Variants in PIAS1 observed in about 807,000 individuals in gnomAD.
PIAS1 encodes E3 SUMO-protein ligase PIAS1.
A neutral mutation model predicts 71.3 loss-of-function variants in PIAS1; 6 were observed. That is an observed-to-expected ratio of 0.08 (90% confidence interval 0.05 to 0.17). The LOEUF (loss-of-function observed/expected upper bound fraction) is 0.17, where lower values mean the gene tolerates loss of function less well. Among genes scored for constraint, PIAS1 ranks in the 10% least tolerant of loss-of-function variants. The pLI, the probability that PIAS1 is intolerant of heterozygous loss-of-function variation, is 1.00. For synonymous variants in PIAS1, 303 were observed against 292.9 expected, an observed-to-expected ratio of 1.03 and a Z score of -0.35; for missense variants, 555 against 793.6, an observed-to-expected ratio of 0.70 and a Z score of 3.61.
At chr15:68,168,590 A>G (rs2092971230) in intron 8 of PIAS1, among the ~76,000 whole-genome samples, 1 of 152,220 alleles carries the variant, frequency 6.6e-6, no homozygotes, top group African/African-American at 2.4e-5. Context: ...CAAGATGAAG[A>G]CGTTCAAAGC....
chr15:68,153,586 C>A lies in PIAS1; in HGVS notation c.829-4C>A. The A allele has an allele frequency of 7.3e-7, 1 of 1,373,574 alleles. No individual in the cohort carries two copies. The highest frequency in any genetic ancestry group is 1.0e-6 in the Non-Finnish European group (1 of 978,086). 85.1% of individuals were successfully genotyped at this position (1,373,574 alleles called of 1,614,324 possible). ...GTTTGTTTTCTACTTCTTTTTTTTT[C>A]CAGAACTATTCCATGGCAGTATATC... On this transcript the variant is annotated splice_region_variant and splice_polypyrimidine_tract_variant and intron_variant, in intron 6 of 13. Coordinates refer to ENST00000249636, the MANE Select transcript of PIAS1 (RefSeq NM_016166.3).
In PIAS1 at chr15:68,144,578, G is replaced by A. The variant is rs185806206; in HGVS notation, c.603-1238G>A. Among the ~76,000 whole-genome samples, 7 of 152,150 alleles carry A rather than the reference G, an allele frequency of 4.6e-5. No individual in the cohort carries two copies. In the East Asian group the frequency reaches 1.2e-3, roughly 25 times the overall value. ...GGGTCCATGTTTTAAATTGATCACTGCATTGGAATAATTATTTAAAAACTG... is the reference window on the plus strand; with the variant it reads ...GGGTCCATGTTTTAAATTGATCACTACATTGGAATAATTATTTAAAAACTG... On this transcript the variant is annotated intron_variant, in intron 4 of 13. Coordinates refer to ENST00000249636, the MANE Select transcript of PIAS1 (RefSeq NM_016166.3).
chr15:68,153,805 TGTAGTTCTTAGA>T, intron 7 of PIAS1, 110 bp downstream of exon 7: 2 of 638,210 alleles, frequency 3.1e-6, no homozygotes, highest in African/African-American at 1.8e-5. Flanking sequence ...GAGCCTGTTG[TGTAGTTCTTAGA>T]GTAGTTCTGA....
intron 1 of PIAS1, among the ~76,000 whole-genome samples, chr15:68,060,894 G>C (rs921477338): frequency 2.0e-5 from 3 of 152,202 alleles, no homozygotes; most frequent in Non-Finnish European, 4.4e-5. Flanking sequence ...ATGTTGGCCA[G>C]GTTGGTCTCT....
At chr15:68,169,460 T>C (rs1244545284) in intron 8 of PIAS1, among the ~76,000 whole-genome samples, 2 of 152,202 alleles carry the variant, frequency 1.3e-5, no homozygotes, top group Non-Finnish European at 2.9e-5. Context: ...GATCACTTGA[T>C]GCCAGGAGTT....
intron 1 of PIAS1, among the ~76,000 whole-genome samples, chr15:68,056,369 C>T (rs1597105389): frequency 6.6e-6 from 1 of 152,168 alleles, no homozygotes; most frequent in Non-Finnish European, 1.5e-5. Context: ...AGATCAGATC[C>T]CTGGTGTGAG....
intron 2 of PIAS1, among the ~76,000 whole-genome samples, chr15:68,131,215 T>C (rs1458913655): frequency 1.3e-5 from 2 of 152,174 alleles, no homozygotes; most frequent in Non-Finnish European, 2.9e-5. Context: ...TCTTTAACAT[T>C]ATAGGGAATC....
chr15:68,055,792 C>T, intron 1 of PIAS1: 1 of 626,710 alleles, frequency 1.6e-6, no homozygotes, highest in South Asian at 1.9e-5. Context: ...GAAACGACAA[C>T]TTCTAGAACA....
intron 1 of PIAS1, chr15:68,055,657 A>T (rs573134758): frequency 5.4e-6 from 2 of 372,890 alleles, no homozygotes; most frequent in Non-Finnish European, 9.5e-6. Flanking sequence ...GCAGCTGGTT[A>T]TGTCTCGACC....
At chr15:68,095,884 G>A (rs1318430696) in intron 2 of PIAS1, among the ~76,000 whole-genome samples, 1 of 152,072 alleles carries the variant, frequency 6.6e-6, no homozygotes, top group Admixed American at 6.5e-5. Flanking sequence ...ATAGCTCTGG[G>A]CAGAGATTAG....
At chr15:68,101,969 C>G (rs1219561087) in intron 2 of PIAS1, among the ~76,000 whole-genome samples, 1 of 152,178 alleles carries the variant, frequency 6.6e-6, no homozygotes, top group Non-Finnish European at 1.5e-5. Context: ...CTCCTGGCCT[C>G]AAGTGATCCT....
intron 2 of PIAS1, among the ~76,000 whole-genome samples, chr15:68,100,678 A>T (rs1298263257): frequency 6.6e-6 from 1 of 152,192 alleles, no homozygotes; most frequent in Admixed American, 6.5e-5. Flanking sequence ...CCCAAGGGTT[A>T]TCAGTTGCTG....
intron 2 of PIAS1, among the ~76,000 whole-genome samples, chr15:68,109,977 T>G (rs2092508178): frequency 6.6e-6 from 1 of 152,214 alleles, no homozygotes; most frequent in Non-Finnish European, 1.5e-5. Context: ...ATTTAAACAA[T>G]TTTTACTCCT....
At chr15:68,074,737 C>CT (rs1167930821) in intron 1 of PIAS1, among the ~76,000 whole-genome samples, 6 of 151,232 alleles carry the variant, frequency 4.0e-5, no homozygotes, top group Non-Finnish European at 5.9e-5. Context: ...GACAATTAAA[C>CT]TTTTTTTTTC....
intron 12 of PIAS1, among the ~76,000 whole-genome samples, chr15:68,182,461 TC>T (rs2093060198): frequency 7.9e-6 from 1 of 126,528 alleles, no homozygotes; most frequent in Admixed American, 8.0e-5. Flanking sequence ...TGTGTGTGTG[TC>T]GGAGTTTTGC....
intron 2 of PIAS1, among the ~76,000 whole-genome samples, chr15:68,122,102 C>G (rs1385980163): frequency 6.6e-6 from 1 of 152,122 alleles, no homozygotes; most frequent in African/African-American, 2.4e-5. Context: ...GCACTCCTGC[C>G]TGGGTAACAG....
chr15:68,068,802 C>A (rs1024644674), intron 1 of PIAS1, among the ~76,000 whole-genome samples: 1 of 151,684 alleles, frequency 6.6e-6, no homozygotes, highest in African/African-American at 2.4e-5. Context: ...TGCTCTCATC[C>A]ACGAAGAAGT....
At chr15:68,111,641 G>C (rs1400180880) in intron 2 of PIAS1, among the ~76,000 whole-genome samples, 1 of 152,094 alleles carries the variant, frequency 6.6e-6, no homozygotes, top group Non-Finnish European at 1.5e-5. Context: ...GAAAGTACAG[G>C]TTGCGTTGAA....
chr15:68,068,753 T>C (rs1303737396), intron 1 of PIAS1, among the ~76,000 whole-genome samples: 1 of 151,808 alleles, frequency 6.6e-6, no homozygotes, highest in African/African-American at 2.4e-5. Context: ...GCCCCTGCCC[T>C]GGGTTAAGTC....
Sources: allele counts gnomAD v4.1 joint callset (sites outside exome capture counted in the v4.1 genomes callset), GRCh38; gene constraint gnomAD v4.1.1; transcripts MANE v1.5; gene names NCBI Gene and HGNC (gene_info 2026-07-23, HGNC 2026-07-21).